UNC13C: variants seen among roughly 807,000 people sequenced by gnomAD.
UNC13C encodes unc-13 homolog C.
UNC13C carries 174 observed loss-of-function variants against 245.4 expected under a neutral mutation model. The ratio of observed to expected loss-of-function variants is 0.71; its 90% CI spans 0.63 to 0.80. The LOEUF (loss-of-function observed/expected upper bound fraction) is 0.80. Among genes scored for constraint, UNC13C ranks in the 30% least tolerant of loss-of-function variants. The pLI is 0.00. For synonymous variants in UNC13C, 992 were observed against 895.1 expected (o/e 1.11, Z -1.93); for missense variants, 2,829 against 2,602.9 (o/e 1.09, Z -1.89).
chr15:54,140,330 A>G (rs1158600100), intron 2 of UNC13C, among the ~76,000 whole-genome samples: 1 of 152,162 alleles, frequency 6.6e-6, no homozygotes, highest in Admixed American at 6.5e-5. Context: ...GCTTATTAAA[A>G]TTGTCCATTC....
intron 2 of UNC13C, among the ~76,000 whole-genome samples, chr15:54,041,902 C>T (rs776757210): frequency 8.6e-5 from 13 of 151,968 alleles, no homozygotes; most frequent in Non-Finnish European, 1.5e-4. Flanking sequence ...GGTATAGTGC[C>T]GTCAGTGATG....
chr15:54,143,812 TA>T (rs1249729416), intron 4 of UNC13C, 128 bp downstream of exon 4: 2 of 605,132 alleles, frequency 3.3e-6, no homozygotes, highest in Admixed American at 6.2e-5. Flanking sequence ...CATTTTACAA[TA>T]AAGTTGACAT....
At chr15:54,572,341 A>G (rs540340526) in intron 30 of UNC13C, among the ~76,000 whole-genome samples, 1 of 152,266 alleles carries the variant, frequency 6.6e-6, no homozygotes, top group Non-Finnish European at 1.5e-5. Flanking sequence ...ATCTGGGAAA[A>G]AAATTTGTAT....
chr15:53,980,777 A>G (rs1214020134), intron 1 of UNC13C, among the ~76,000 whole-genome samples: 1 of 152,168 alleles, frequency 6.6e-6, no homozygotes, highest in African/African-American at 2.4e-5. Context: ...TACGAGGTAA[A>G]GTGTTAGCAA....
the UNC13C span, among the ~76,000 whole-genome samples, chr15:53,867,650 T>A: frequency 7.2e-5 from 11 of 152,196 alleles, no homozygotes; most frequent in Admixed American, 4.6e-4. Context: ...GTCCTGTGGA[T>A]GATGGCTGTA....
the UNC13C span, among the ~76,000 whole-genome samples, chr15:53,936,996 C>T: frequency 6.6e-6 from 1 of 152,138 alleles, no homozygotes; most frequent in Non-Finnish European, 1.5e-5. Flanking sequence ...ACTGCAACAC[C>T]TCTCCAGCAA....
intron 18 of UNC13C, among the ~76,000 whole-genome samples, chr15:54,398,968 T>C (rs1031370923): frequency 4.6e-5 from 7 of 151,754 alleles, no homozygotes; most frequent in Admixed American, 6.6e-5. Flanking sequence ...TCCTTTACTA[T>C]TGTCTTTCTT....
At chr15:54,006,368 T>A (rs1895136411) in intron 1 of UNC13C, among the ~76,000 whole-genome samples, 2 of 152,220 alleles carry the variant, frequency 1.3e-5, no homozygotes, top group Non-Finnish European at 2.9e-5. Context: ...AAAGGGATCT[T>A]TCTGTTTGTT....
chr15:54,365,233 T>A (rs1469702918), intron 17 of UNC13C, among the ~76,000 whole-genome samples: 1 of 152,118 alleles, frequency 6.6e-6, no homozygotes, highest in African/African-American at 2.4e-5. Flanking sequence ...GTATAACTCT[T>A]CCCCTTCTGG....
rs1381048166 is a variant in UNC13C, at chr15:54,014,500, C to A, written c.1597C>A (p.Pro533Thr). ...QTTTHYADAT[P>T]LWHSQSDFFT... ...CACAACCCATTATGCAGATGCAACA[C>A]CTCTCTGGCACTCACAGAGTGATTT... Residue 533 changes from proline to threonine, a missense_variant, in exon 2 of 33, where the codon CCT (proline) becomes ACT (threonine). Physicochemically the swap from Pro to Thr is conservative, Grantham distance 38 (BLOSUM62 -1). Coordinates refer to ENST00000260323, the MANE Select transcript of UNC13C (RefSeq NM_001080534.3). 6.2e-7 allele frequency: 1 copy of A among 1,613,838 alleles called. No homozygotes were observed. Among genetic ancestry groups the A allele is most frequent in the Admixed American group, 1.7e-5 (1 of 59,958 alleles).
At chr15:54,234,264 G>C (rs1370393863) in intron 4 of UNC13C, among the ~76,000 whole-genome samples, 6 of 151,344 alleles carry the variant, frequency 4.0e-5, no homozygotes, top group Non-Finnish European at 2.9e-5. Flanking sequence ...ATATATGGGA[G>C]TGTACTAAAC....
intron 30 of UNC13C, among the ~76,000 whole-genome samples, chr15:54,589,588 C>G (rs773394501): frequency 3.4e-4 from 51 of 152,146 alleles, no homozygotes; most frequent in Non-Finnish European, 6.5e-4. Context: ...TGAGCCACCG[C>G]GCCCAGCCAG....
In UNC13C at chr15:54,066,833, A is replaced by C. The variant is rs1311388939; in HGVS notation, c.2983+50947A>C. 9.9e-5 allele frequency among the ~76,000 whole-genome samples: 15 copies of C among 152,212 alleles called. 1 individual carries two copies. Among genetic ancestry groups the C allele is most frequent in the Non-Finnish European group, 2.9e-5 (2 of 68,024 alleles). ...AGATGTCCATCTGGTTTTGTCCAGC[A>C]TGATACTCCAGAAGGCAAAGTCTTG... On this transcript the variant is annotated intron_variant, in intron 2 of 32. Transcript: ENST00000260323.
At chr15:54,482,642 A>G (rs1893188046) in intron 19 of UNC13C, among the ~76,000 whole-genome samples, 1 of 152,182 alleles carries the variant, frequency 6.6e-6, no homozygotes, top group Non-Finnish European at 1.5e-5. Context: ...CAGATGCTGT[A>G]TTCCACATGT....
At chr15:54,508,407 C>G (rs2141112020) in intron 23 of UNC13C, among the ~76,000 whole-genome samples, 1 of 152,112 alleles carries the variant, frequency 6.6e-6, no homozygotes, top group South Asian at 2.1e-4. Context: ...TATTAACATT[C>G]TATATTATAT....
intron 4 of UNC13C, among the ~76,000 whole-genome samples, chr15:54,157,056 C>A (rs1433340389): frequency 1.3e-5 from 2 of 152,084 alleles, no homozygotes; most frequent in African/African-American, 4.8e-5. Context: ...TCTCTGGGAT[C>A]AGGGCAAAAC....
intron 20 of UNC13C, among the ~76,000 whole-genome samples, chr15:54,497,201 C>T (rs1893989843): frequency 6.6e-6 from 1 of 152,002 alleles, no homozygotes; most frequent in African/African-American, 2.4e-5. Context: ...AATTAAACAG[C>T]ATCAGAAAGA....
At chr15:54,517,415 T>C (rs990545856) in intron 24 of UNC13C, among the ~76,000 whole-genome samples, 2 of 152,110 alleles carry the variant, frequency 1.3e-5, no homozygotes, top group Non-Finnish European at 2.9e-5. Flanking sequence ...GGGCAGAAAT[T>C]GGGGTACAAA....
chr15:54,539,993 A>G (rs992752836), intron 26 of UNC13C, among the ~76,000 whole-genome samples: 2 of 152,082 alleles, frequency 1.3e-5, no homozygotes, highest in African/African-American at 4.8e-5. Flanking sequence ...AAGCATTTGT[A>G]AAAGACATTT....
Sources: gnomAD v4.1 joint callset for allele counts (sites outside exome capture counted in the v4.1 genomes callset) on GRCh38, gnomAD v4.1.1 for gene constraint, MANE v1.5 for transcripts, NCBI Gene and HGNC (gene_info 2026-07-23, HGNC 2026-07-21) for gene names.